The following GDPD4 variants were observed in gnomAD, a reference collection of about 807,000 sequenced individuals.
The protein encoded by GDPD4 is glycerophosphodiester phosphodiesterase 6.
Under a neutral mutation model 67.8 loss-of-function variants are expected in GDPD4, and 60 were observed. That is an observed-to-expected ratio of 0.88 (90% CI 0.72 to 1.10). GDPD4 has a LOEUF of 1.10. Among genes scored for constraint, GDPD4 ranks in the 50% least tolerant of loss-of-function variants. The probability of loss-of-function intolerance (pLI) is 0.00; values close to 1 mark genes in which losing one functional copy is unlikely to be tolerated. For missense variants in GDPD4, 623 were observed against 613.9 expected (o/e 1.01, Z -0.16); for synonymous variants, 212 against 210.9 (o/e 1.00, Z -0.04).
chr11:77,277,618 G>C (rs1337526489), intron 4 of GDPD4, among the ~76,000 whole-genome samples: 3 of 151,564 alleles, frequency 2.0e-5, no homozygotes, highest in Non-Finnish European at 4.4e-5. Context: ...TTTTTATTGT[G>C]TCTATTTGAT....
At chr11:77,282,797 A>G (rs914159943) in intron 3 of GDPD4, among the ~76,000 whole-genome samples, 43 of 152,184 alleles carry the variant, frequency 2.8e-4, no homozygotes, top group African/African-American at 1.0e-3. Flanking sequence ...ATATATTAGT[A>G]CAGAGCTATT....
At chr11:77,287,814 T>C (rs992463129) in intron 1 of GDPD4, among the ~76,000 whole-genome samples, 17 of 152,190 alleles carry the variant, frequency 1.1e-4, no homozygotes, top group African/African-American at 3.9e-4. Context: ...AATACCATCG[T>C]TGACTAATAA....
At chr11:77,227,398 G>A (rs1278063159) in intron 16 of GDPD4, among the ~76,000 whole-genome samples, 1 of 152,040 alleles carries the variant, frequency 6.6e-6, no homozygotes, top group Non-Finnish European at 1.5e-5. Flanking sequence ...CCCCCTAATG[G>A]GCATGGCAGC....
At chr11:77,300,900 T>C (rs777538965) in intron 1 of GDPD4, among the ~76,000 whole-genome samples, 1 of 152,178 alleles carries the variant, frequency 6.6e-6, no homozygotes, top group South Asian at 2.1e-4. Flanking sequence ...GTGTGACTAA[T>C]TGCAAATACT....
chr11:77,271,023 C>A, intron 7 of GDPD4, 107 bp downstream of exon 7: 1 of 731,894 alleles, frequency 1.4e-6, no homozygotes, highest in Non-Finnish European at 2.3e-6. Flanking sequence ...TGAATTTCAA[C>A]GAGGCATAGG....
In GDPD4 at chr11:77,251,088, T is replaced by C. The variant is rs1958886953; in HGVS notation, c.865-5586A>G. Among the ~76,000 whole-genome samples, 3 of 152,336 alleles carry C rather than the reference T, an allele frequency of 2.0e-5. 1 individual carries two copies. In the South Asian group the frequency reaches 6.2e-4, roughly 32 times the overall value. On this transcript the variant is annotated intron_variant, in intron 11 of 16. Transcript: ENST00000315938. ...GGCAGCATATAGTTGAGTCATTTCC[T>C]TTATTCATTCAGGCAGTCTGTATCA...
intron 1 of GDPD4, among the ~76,000 whole-genome samples, chr11:77,300,097 CT>C (rs1938108841): frequency 6.6e-6 from 1 of 152,034 alleles, no homozygotes; most frequent in Non-Finnish European, 1.5e-5. Context: ...GTAAAGCAAC[CT>C]TTTTTGATCA....
intron 10 of GDPD4, among the ~76,000 whole-genome samples, chr11:77,261,546 C>T (rs1361080135): frequency 6.6e-6 from 1 of 152,180 alleles, no homozygotes; most frequent in Non-Finnish European, 1.5e-5. Context: ...CCAAATCTAA[C>T]ATCTAGACAC....
rs1320817316 is a variant in GDPD4, at chr11:77,258,415, T to G, written c.835A>C (p.Asn279His). ...FFNWDFLSTL[N>H]AGKWFVKPEL... ...GGTTTTACAAACCATTTGCCTGCAT[T>G]CAGAGTCGATAGGAAATCCCAGTTG... Residue 279 changes from asparagine to histidine, a missense_variant, in exon 11 of 17, where the codon AAT becomes CAT. Asn to His is a moderately conservative substitution (Grantham distance 68). Transcript: ENST00000315938. 1.2e-6 allele frequency: 2 copies of G among 1,614,136 alleles called. No homozygotes were observed. The highest frequency in any genetic ancestry group is 1.7e-6 in the Non-Finnish European group (2 of 1,180,006).
chr11:77,224,849 T>G (rs1014126003), intron 16 of GDPD4, among the ~76,000 whole-genome samples: 1 of 152,000 alleles, frequency 6.6e-6, no homozygotes, highest in Non-Finnish European at 1.5e-5. Flanking sequence ...CATCTGTAAT[T>G]CCAGTGCTTT....
intron 10 of GDPD4, among the ~76,000 whole-genome samples, chr11:77,265,810 G>C (rs975717096): frequency 1.1e-4 from 17 of 152,198 alleles, no homozygotes; most frequent in Admixed American, 3.3e-4. Flanking sequence ...TTTAAAGTGG[G>C]AGCCACTTCT....
intron 1 of GDPD4, among the ~76,000 whole-genome samples, chr11:77,287,632 A>G: frequency 6.6e-6 from 1 of 152,174 alleles, no homozygotes; most frequent in Non-Finnish European, 1.5e-5. Context: ...TGATCACTGC[A>G]TCACTCTAGG....
At position 77,234,591 on chromosome 11, in the gene GDPD4, A is replaced by G. The variant is rs372154515; in HGVS notation, c.1242-1419T>C. ...TTAGCTCCCACTTATAAGTGAGAACATGTGGTATTTGATCTTCTGTCTCTG... is the reference window on the plus strand; with the variant it reads ...TTAGCTCCCACTTATAAGTGAGAACGTGTGGTATTTGATCTTCTGTCTCTG... On this transcript the variant is annotated intron_variant, in intron 13 of 16. Transcript: ENST00000315938. Among the ~76,000 whole-genome samples the G allele has an allele frequency of 3.9e-5, 6 of 152,308 alleles. No individual in the cohort carries two copies. The East Asian group carries it at 9.6e-4, about 24-fold the overall frequency.
intron 1 of GDPD4, among the ~76,000 whole-genome samples, chr11:77,288,635 G>C (rs757060936): frequency 7.9e-5 from 12 of 151,910 alleles, no homozygotes; most frequent in Non-Finnish European, 1.3e-4. Flanking sequence ...CAACTCTACA[G>C]ATACATCTAC....
At chr11:77,223,550 A>ATTCT in intron 16 of GDPD4, among the ~76,000 whole-genome samples, 1 of 152,188 alleles carries the variant, frequency 6.6e-6, no homozygotes, top group East Asian at 1.9e-4. Context: ...TTGCTGCCTG[A>ATTCT]TTCTTACTCT....
intron 13 of GDPD4, among the ~76,000 whole-genome samples, chr11:77,240,873 A>G (rs1958650484): frequency 6.6e-6 from 1 of 152,226 alleles, no homozygotes; most frequent in African/African-American, 2.4e-5. Flanking sequence ...CCACAAGGAG[A>G]TATCTCACAC....
Position 77,252,524 on chromosome 11 carries a change from G to A in GDPD4, c.864+5862C>T, listed in dbSNP as rs139873979. On this transcript the variant is annotated intron_variant, in intron 11 of 16. Transcript: ENST00000315938. Reference sequence around the variant, plus strand: ...CCAGTAATTCATTTATTTCCTTTTCGTTCAGGTCTTTTACTAGAGTTATTA... The same window carrying A: ...CCAGTAATTCATTTATTTCCTTTTCATTCAGGTCTTTTACTAGAGTTATTA... Among the ~76,000 whole-genome samples, 234 of 151,728 alleles carry A rather than the reference G, an allele frequency of 1.5e-3. 3 individuals are homozygous for A. Among genetic ancestry groups the A allele is most frequent in the African/African-American group, 5.4e-3 (221 of 41,304 alleles).
chr11:77,277,291 G>C (rs1027692789), intron 4 of GDPD4, among the ~76,000 whole-genome samples: 1 of 143,966 alleles, frequency 6.9e-6, no homozygotes, highest in Non-Finnish European at 1.5e-5. Flanking sequence ...ACAACATCAA[G>C]AATAATTTTC....
chr11:77,259,552 A>C (rs2135860093), intron 10 of GDPD4, among the ~76,000 whole-genome samples: 1 of 128,330 alleles, frequency 7.8e-6, no homozygotes, highest in Non-Finnish European at 1.6e-5. Flanking sequence ...ATATTACTAC[A>C]ATCTCTGAGA....
Sources: gnomAD v4.1 joint callset for allele counts (sites outside exome capture counted in the v4.1 genomes callset) on GRCh38, gnomAD v4.1.1 for gene constraint, MANE v1.5 for transcripts, NCBI Gene and HGNC (gene_info 2026-07-23, HGNC 2026-07-21) for gene names.